Variants in ZDHHC24 observed in about 807,000 individuals in gnomAD.
The protein encoded by ZDHHC24 is probable palmitoyltransferase ZDHHC24.
Under a neutral mutation model 23.2 loss-of-function variants are expected in ZDHHC24, and 17 were observed. That is an observed-to-expected ratio of 0.73 (90% CI 0.50 to 1.10). The LOEUF is 1.10. Ranked by LOEUF, ZDHHC24 falls within the 50% of genes least tolerant of loss-of-function variation. The pLI is 0.00. For synonymous variants in ZDHHC24, 186 were observed against 194.5 expected, an observed-to-expected ratio of 0.96 and a Z score of 0.36; for missense variants, 366 against 393.0, an observed-to-expected ratio of 0.93 and a Z score of 0.58.
intron 2 of ZDHHC24, 98 bp downstream of exon 2, chr11:66,543,606 C>A: frequency 7.0e-7 from 1 of 1,428,908 alleles, no homozygotes; most frequent in Non-Finnish European, 9.3e-7. Flanking sequence ...GGCTGGGTCC[C>A]CCAGGCCAGA....
intron 4 of ZDHHC24, chr11:66,524,020 C>T (rs1274173921): frequency 1.5e-6 from 2 of 1,300,842 alleles, no homozygotes; most frequent in Non-Finnish European, 2.1e-6. Flanking sequence ...TGGCTCATGC[C>T]TGTAATCCCA....
downstream of ZDHHC24, among the ~76,000 whole-genome samples, chr11:66,534,907 GA>G (rs1488132666): frequency 3.9e-5 from 6 of 152,066 alleles, no homozygotes; most frequent in East Asian, 1.2e-3. Flanking sequence ...GTGTTAGCCA[GA>G]ATGGTCTCGA....
At chr11:66,535,398 G>T (rs1386437850), downstream of ZDHHC24, among the ~76,000 whole-genome samples, 3 of 147,776 alleles carry the variant, frequency 2.0e-5, no homozygotes, top group Non-Finnish European at 3.0e-5. Context: ...AAGACACAGG[G>T]TCTCACTATG....
At position 66,543,968 on chromosome 11, in the gene ZDHHC24, A is replaced by G. The variant is rs1857235352; in HGVS notation, c.295T>C (p.Cys99Arg). ...CTGCGTGGCGGCACCTGGCTTTGGC[A>G]TTGGTAGCAGTAACTGCAGGAAGGA... ...LGQGWAYCYQ[C>R]QSQVPPRSGH... is the part of the protein sequence containing the mutation. The change falls in exon 2 of 3, where the codon TGC (cysteine) becomes CGC (arginine). Residue 99 changes from cysteine (C) to arginine (R), a missense_variant. Cys to Arg is a radical substitution (Grantham distance 180). Coordinates refer to ENST00000310442, the MANE Select transcript of ZDHHC24 (RefSeq NM_207340.3). 1 of 1,613,446 alleles carries G rather than the reference A, an allele frequency of 6.2e-7. No individual in the cohort carries two copies. The highest frequency in any genetic ancestry group is 8.5e-7 in the Non-Finnish European group (1 of 1,179,640).
At chr11:66,540,209 G>A (rs1302587306) in intron 2 of ZDHHC24, among the ~76,000 whole-genome samples, 1 of 152,070 alleles carries the variant, frequency 6.6e-6, no homozygotes, top group Non-Finnish European at 1.5e-5. Context: ...CCTGAGGTCA[G>A]GAATTTGAGA....
intron 4 of ZDHHC24, chr11:66,523,066 A>C (rs920908932): frequency 4.5e-6 from 2 of 443,950 alleles, no homozygotes; most frequent in Admixed American, 5.2e-5. Flanking sequence ...CTGCATTGAC[A>C]CAGGGCAAAG....
chr11:66,528,989 A>G (rs917518184), intron 3 of ZDHHC24: 2 of 634,726 alleles, frequency 3.2e-6, no homozygotes, highest in Admixed American at 6.4e-5. Flanking sequence ...AAAAAAAAAA[A>G]GGAAGAAAAT....
chr11:66,531,765 G>C, downstream of ZDHHC24: 2 of 1,613,992 alleles, frequency 1.2e-6, no homozygotes, highest in African/African-American at 2.7e-5. Flanking sequence ...CTTGTACCAC[G>C]TGGAAGGTGA....
rs201800945 is a variant in ZDHHC24 at position 66,543,941 on chromosome 11, C to A, written c.322G>T (p.Gly108Ter). 4 of 1,613,674 alleles carry A rather than the reference C, an allele frequency of 2.5e-6. No individual in the cohort carries two copies. The highest frequency in any genetic ancestry group is 2.5e-6 in the Non-Finnish European group (3 of 1,179,758). ...CAGACGCGGCAGGCAGAGCAGTGTC[C>A]GCTGCGTGGCGGCACCTGGCTTTGG... Reference protein sequence around the residue: ...QCQSQVPPRSGHCSACRVCIL... With the variant: ...QCQSQVPPRS The change falls in exon 2 of 3, where the codon GGA becomes TGA. Residue 108 changes from glycine to a stop codon, truncating the protein, a stop_gained. Coordinates refer to ENST00000310442, the MANE Select transcript of ZDHHC24 (RefSeq NM_207340.3). LOFTEE classifies it high-confidence loss of function.
intron 4 of ZDHHC24, chr11:66,523,300 T>A (rs1015754842): frequency 1.3e-5 from 13 of 1,034,624 alleles, no homozygotes; most frequent in Non-Finnish European, 1.8e-5. Context: ...GGCCACACAT[T>A]TACTAAGGTG....
downstream of ZDHHC24, chr11:66,533,406 T>A (rs1590785478): frequency 1.3e-5 from 2 of 152,268 alleles, no homozygotes; most frequent in Non-Finnish European, 2.9e-5. Context: ...TGACTCTTGC[T>A]TGATATATCA....
At chr11:66,521,995 A>T (rs1460961585) in intron 4 of ZDHHC24, among the ~76,000 whole-genome samples, 2 of 149,748 alleles carry the variant, frequency 1.3e-5, no homozygotes, top group African/African-American at 4.9e-5. Context: ...ACGTGGGTGG[A>T]TCATGAGGTC....
exon 5 of ZDHHC24, chr11:66,521,464 AGG>A: frequency 9.4e-7 from 1 of 1,064,782 alleles, no homozygotes; most frequent in Non-Finnish European, 1.4e-6. Flanking sequence ...GTGGGCTTTA[AGG>A]CTGGAATTTG....
chr11:66,524,765 C>A (rs538541958), intron 4 of ZDHHC24, among the ~76,000 whole-genome samples: 1 of 152,224 alleles, frequency 6.6e-6, no homozygotes, highest in East Asian at 1.9e-4. Context: ...ATAGTAAATT[C>A]AAAGTATGTC....
intron 3 of ZDHHC24, chr11:66,527,084 A>G: frequency 6.7e-7 from 1 of 1,482,762 alleles, no homozygotes; most frequent in African/African-American, 1.4e-5. Flanking sequence ...TCATGAGGAA[A>G]GTAGAATTTT....
downstream of ZDHHC24, chr11:66,530,954 C>T (rs369653969): frequency 1.1e-5 from 17 of 1,614,236 alleles, no homozygotes; most frequent in East Asian, 2.0e-4. Context: ...CTCAACAACC[C>T]GTCCTGTCCT....
rs769521248 is a variant in ZDHHC24, at chr11:66,543,920, C to G, written c.343G>C (p.Val115Leu). The change falls in exon 2 of 3, where the codon GTC becomes CTC. Residue 115 changes from valine to leucine, a missense_variant. Val to Leu is a conservative substitution (Grantham distance 32). Transcript: ENST00000310442. ...TGGTGGTCCCGACGCAGGATGCAGACGCGGCAGGCAGAGCAGTGTCCGCTG... is the reference window on the plus strand; with the variant it reads ...TGGTGGTCCCGACGCAGGATGCAGAGGCGGCAGGCAGAGCAGTGTCCGCTG... ...PRSGHCSACRVCILRRDHHCR... is the reference protein window; with the variant it reads ...PRSGHCSACRLCILRRDHHCR... 1.2e-6 allele frequency: 2 copies of G among 1,613,992 alleles called. No individual in the cohort carries two copies. Among genetic ancestry groups the G allele is most frequent in the South Asian group, 2.2e-5 (2 of 91,042 alleles).
intron 2 of ZDHHC24, chr11:66,542,635 A>G (rs1857184116): frequency 6.5e-6 from 1 of 153,030 alleles, no homozygotes; most frequent in Admixed American, 6.6e-5. Flanking sequence ...GGAAGGAAAA[A>G]TGAAGGAGGA....
downstream of ZDHHC24, chr11:66,532,016 C>G (rs768390063): frequency 1.9e-6 from 3 of 1,607,118 alleles, no homozygotes; most frequent in South Asian, 1.1e-5. Context: ...TGCCTGGGAG[C>G]GAGGGGCTGG....
Sources: allele counts gnomAD v4.1 joint callset (sites outside exome capture counted in the v4.1 genomes callset), GRCh38; gene constraint gnomAD v4.1.1; transcripts MANE v1.5; gene names NCBI Gene and HGNC (gene_info 2026-07-23, HGNC 2026-07-21).